KIAA1328: variants seen among roughly 807,000 people sequenced by gnomAD.
The protein encoded by KIAA1328 is KIAA1328.
A neutral mutation model predicts 68.1 loss-of-function variants in KIAA1328; 52 were observed. That is an observed-to-expected ratio of 0.76 (90% CI 0.61 to 0.96). KIAA1328 has a LOEUF of 0.96. KIAA1328 is among the 40% of genes least tolerant of loss of function. KIAA1328 has a pLI of 0.00. For synonymous variants in KIAA1328, 232 were observed against 239.4 expected (o/e 0.97, Z 0.28); for missense variants, 641 against 677.6 (o/e 0.95, Z 0.60).
At chr18:37,105,521 AGAG>A (rs2057746523) in intron 7 of KIAA1328, among the ~76,000 whole-genome samples, 2 of 151,068 alleles carry the variant, frequency 1.3e-5, no homozygotes, top group South Asian at 2.1e-4. Flanking sequence ...AAAAAAAAAA[AGAG>A]CACTACTGCA....
chr18:37,152,626 G>A (rs949520054), intron 7 of KIAA1328, among the ~76,000 whole-genome samples: 2 of 152,150 alleles, frequency 1.3e-5, no homozygotes, highest in African/African-American at 2.4e-5. Context: ...ATACAGTGGC[G>A]CGTTGGCAGA....
chr18:36,881,216 A>C lies in KIAA1328; in HGVS notation c.333-4341A>C, dbSNP rs1306156656. ...AGCTTTAAGTACTGTGTATCATACT[A>C]TCTCTTATCCTTTGTTTCTTGAAAA... On this transcript the variant is annotated intron_variant, in intron 4 of 9. Transcript: ENST00000280020. Among the ~76,000 whole-genome samples the C allele has an allele frequency of 2.0e-5, 3 of 151,492 alleles. No homozygotes were observed. The East Asian group carries it at 5.8e-4, about 29-fold the overall frequency.
intron 7 of KIAA1328, among the ~76,000 whole-genome samples, chr18:37,110,778 T>C (rs2057908495): frequency 6.6e-6 from 1 of 152,232 alleles, no homozygotes; most frequent in Non-Finnish European, 1.5e-5. Context: ...TCTGAGAACA[T>C]GGTTGCAATC....
chr18:37,231,445 T>G (rs1315875521), downstream of KIAA1328: 3 of 152,260 alleles, frequency 2.0e-5, no homozygotes, highest in African/African-American at 7.2e-5. Flanking sequence ...GAGGCCACAG[T>G]GTCCATGAAA....
At chr18:37,170,065 C>G (rs1489443995) in intron 8 of KIAA1328, among the ~76,000 whole-genome samples, 1 of 152,150 alleles carries the variant, frequency 6.6e-6, no homozygotes, top group African/African-American at 2.4e-5. Context: ...TCTTAATTTC[C>G]TCTTACATCA....
chr18:36,896,041 C>T (rs1598636078), intron 5 of KIAA1328, among the ~76,000 whole-genome samples: 1 of 152,160 alleles, frequency 6.6e-6, no homozygotes, highest in African/African-American at 2.4e-5. Flanking sequence ...TTTGTTATGG[C>T]AGTCTGAGCA....
chr18:37,232,113 A>T (rs899253225), downstream of KIAA1328: 1 of 152,254 alleles, frequency 6.6e-6, no homozygotes, highest in African/African-American at 2.4e-5. Flanking sequence ...TTAAATCATT[A>T]TAATAAATTC....
At chr18:37,042,227 T>A (rs964423819) in intron 6 of KIAA1328, among the ~76,000 whole-genome samples, 4 of 152,172 alleles carry the variant, frequency 2.6e-5, no homozygotes, top group African/African-American at 9.7e-5. Flanking sequence ...CCAACAATAC[T>A]GTTTTATACT....
intron 9 of KIAA1328, among the ~76,000 whole-genome samples, chr18:37,205,659 T>C (rs2060203407): frequency 6.6e-6 from 1 of 152,214 alleles, no homozygotes; most frequent in Non-Finnish European, 1.5e-5. Context: ...CTTATAAATG[T>C]TTCCCTCTTG....
intron 6 of KIAA1328, among the ~76,000 whole-genome samples, chr18:37,029,965 A>G (rs1365526618): frequency 6.6e-6 from 1 of 152,100 alleles, no homozygotes; most frequent in African/African-American, 2.4e-5. Flanking sequence ...GAATTTGTCC[A>G]TTTCATTTTG....
chr18:37,080,739 C>T (rs1455487338), intron 7 of KIAA1328, among the ~76,000 whole-genome samples: 1 of 149,750 alleles, frequency 6.7e-6, no homozygotes, highest in Non-Finnish European at 1.5e-5. Flanking sequence ...GAGATCGCGC[C>T]ACTTCACTCC....
At chr18:37,162,308 T>C (rs549481663) in intron 8 of KIAA1328, among the ~76,000 whole-genome samples, 3 of 152,252 alleles carry the variant, frequency 2.0e-5, no homozygotes, top group Non-Finnish European at 4.4e-5. Context: ...CTTTTTCATC[T>C]TTTTAAGAGT....
At chr18:37,054,447 T>C (rs1254158621) in intron 6 of KIAA1328, among the ~76,000 whole-genome samples, 1 of 152,178 alleles carries the variant, frequency 6.6e-6, no homozygotes, top group Non-Finnish European at 1.5e-5. Context: ...CAAAGAAAAG[T>C]TGGTATAGAT....
chr18:37,203,457 C>A (rs1363421121), intron 9 of KIAA1328, among the ~76,000 whole-genome samples: 1 of 152,076 alleles, frequency 6.6e-6, no homozygotes, highest in Non-Finnish European at 1.5e-5. Flanking sequence ...ACCTTTCTTA[C>A]CAAAAACACA....
At chr18:37,161,128 C>A (rs534925405) in intron 8 of KIAA1328, among the ~76,000 whole-genome samples, 44 of 152,264 alleles carry the variant, frequency 2.9e-4, no homozygotes, top group Admixed American at 8.5e-4. Context: ...TTCCTAGTGT[C>A]TTTTTTCCCT....
intron 8 of KIAA1328, among the ~76,000 whole-genome samples, chr18:37,162,821 T>C (rs1053465077): frequency 6.6e-6 from 1 of 151,982 alleles, no homozygotes; most frequent in African/African-American, 2.4e-5. Flanking sequence ...ATTACCAGTA[T>C]CTTACTCCCT....
chr18:37,146,146 CTT>C (rs1302350096), intron 7 of KIAA1328, among the ~76,000 whole-genome samples: 3 of 151,704 alleles, frequency 2.0e-5, no homozygotes, highest in Non-Finnish European at 4.4e-5. Flanking sequence ...TATATAGAAA[CTT>C]GTATCATGGG....
chr18:37,199,969 C>T (rs16968643), intron 9 of KIAA1328, among the ~76,000 whole-genome samples: 3,446 of 152,114 alleles, frequency 0.023, 129 homozygotes, highest in African/African-American at 0.079. Context: ...AATGCTGAAC[C>T]GTGAAATTTA....
chr18:36,834,178 T>G lies in KIAA1328; in HGVS notation c.59-142T>G, dbSNP rs1314628469. On this transcript the variant is annotated intron_variant, in intron 1 of 9. Transcript: ENST00000280020. The stretch of plus-strand genomic sequence containing the variant: ...AACTTTGTTTTTAATTCAATTACTT[T>G]GCTTTCTAACTTTGTTTTTAAAAGT... 22 of 1,193,898 alleles carry G rather than the reference T, an allele frequency of 1.8e-5. No individual in the cohort carries two copies. The East Asian group carries it at 6.6e-4, about 36-fold the overall frequency. The allele number at this position is 1,193,898 out of a possible 1,614,324, so 74.0% of individuals were successfully genotyped here.
Sources: gnomAD v4.1 joint callset for allele counts (sites outside exome capture counted in the v4.1 genomes callset) on GRCh38, gnomAD v4.1.1 for gene constraint, MANE v1.5 for transcripts, NCBI Gene and HGNC (gene_info 2026-07-23, HGNC 2026-07-21) for gene names.